GMDS: variants seen among roughly 807,000 people sequenced by gnomAD.
GMDS encodes GDP-mannose 4,6-dehydratase.
A neutral mutation model predicts 49.9 loss-of-function variants in GMDS; 20 were observed. The ratio of observed to expected loss-of-function variants is 0.40; its 90% CI spans 0.28 to 0.58. The LOEUF is 0.58. Ranked by LOEUF, GMDS falls within the 20% of genes least tolerant of loss-of-function variation. The pLI is 0.42. For synonymous variants in GMDS, 177 were observed against 178.6 expected (o/e 0.99, Z 0.07); for missense variants, 362 against 481.4 (o/e 0.75, Z 2.32).
chr6:1,729,752 T>C (rs9328068), intron 8 of GMDS, among the ~76,000 whole-genome samples: 126,400 of 152,262 alleles, frequency 0.83, 52,999 homozygotes, highest in East Asian at 1. Context: ...CGAATTGAGA[T>C]CAACAGCTCA....
chr6:1,831,360 C>T (rs1406541767), intron 7 of GMDS, among the ~76,000 whole-genome samples: 4 of 152,254 alleles, frequency 2.6e-5, no homozygotes, highest in Middle Eastern at 6.8e-3. Flanking sequence ...TTTAGTAAAA[C>T]GAGGAGTCCA....
chr6:1,629,201 C>T (rs1356103462), intron 9 of GMDS, among the ~76,000 whole-genome samples: 3 of 152,238 alleles, frequency 2.0e-5, no homozygotes, highest in Non-Finnish European at 4.4e-5. Context: ...TGAAGCCTTA[C>T]ATGCTCACGA....
At chr6:1,939,771 A>C (rs1335312225) in intron 6 of GMDS, among the ~76,000 whole-genome samples, 2 of 152,210 alleles carry the variant, frequency 1.3e-5, no homozygotes, top group Non-Finnish European at 2.9e-5. Flanking sequence ...AATTGCCTTT[A>C]AGACATGAAT....
At chr6:1,658,549 G>C (rs1763963876) in intron 9 of GMDS, among the ~76,000 whole-genome samples, 1 of 152,230 alleles carries the variant, frequency 6.6e-6, no homozygotes, top group Admixed American at 6.5e-5. Context: ...ACACTCAGTT[G>C]AATGAAAAGA....
At chr6:1,784,748 G>T (rs142162875) in intron 7 of GMDS, among the ~76,000 whole-genome samples, 1 of 152,266 alleles carries the variant, frequency 6.6e-6, no homozygotes, top group East Asian at 1.9e-4. Flanking sequence ...GCTTCTTTTG[G>T]ATGGAACACT....
chr6:1,761,136 C>T (rs1768138778), intron 7 of GMDS, among the ~76,000 whole-genome samples: 1 of 152,090 alleles, frequency 6.6e-6, no homozygotes, highest in East Asian at 1.9e-4. Context: ...ACAAAAGGCC[C>T]CCTGTGTTCT....
intron 4 of GMDS, among the ~76,000 whole-genome samples, chr6:2,022,415 A>G (rs559962505): frequency 1.9e-4 from 29 of 152,302 alleles, no homozygotes; most frequent in Admixed American, 8.5e-4. Flanking sequence ...TATTTTTTGC[A>G]TTCGTGAGAT....
At chr6:1,661,270 G>A (rs4959586) in intron 9 of GMDS, among the ~76,000 whole-genome samples, 64,069 of 151,950 alleles carry the variant, frequency 0.42, 14,076 homozygotes, top group Middle Eastern at 0.5. Flanking sequence ...TGCACAGCAG[G>A]TGCTATTAGA....
intron 1 of GMDS, among the ~76,000 whole-genome samples, chr6:2,156,184 A>C (rs1384466041): frequency 6.6e-6 from 1 of 152,156 alleles, no homozygotes; most frequent in South Asian, 2.1e-4. Context: ...AATATATTAT[A>C]GAGCGTCTTG....
rs543311826 is a variant in GMDS, at chr6:2,006,187, C to T, written c.346-45221G>A. 2.6e-3 allele frequency among the ~76,000 whole-genome samples: 396 copies of T among 151,772 alleles called. 2 individuals are homozygous for T. The highest frequency in any genetic ancestry group is 9.2e-3 in the African/African-American group (382 of 41,358). On this transcript the variant is annotated intron_variant, in intron 4 of 10. Transcript: ENST00000380815. Reference sequence around the variant, plus strand: ...CTGCAATCACAGCACTTTAGGAGGCCGAGGTGGGAGGATCACTTGACCCCA... The same window carrying T: ...CTGCAATCACAGCACTTTAGGAGGCTGAGGTGGGAGGATCACTTGACCCCA...
At chr6:2,081,496 T>C (rs1191291103) in intron 4 of GMDS, among the ~76,000 whole-genome samples, 1 of 152,126 alleles carries the variant, frequency 6.6e-6, no homozygotes, top group Non-Finnish European at 1.5e-5. Flanking sequence ...AATGTCCTTG[T>C]CCTAGAGCCC....
intron 4 of GMDS, among the ~76,000 whole-genome samples, chr6:2,074,746 C>T (rs1243323264): frequency 6.6e-6 from 1 of 152,156 alleles, no homozygotes; most frequent in Non-Finnish European, 1.5e-5. Flanking sequence ...TCAAGAAATT[C>T]TCCTGATTCA....
intron 4 of GMDS, among the ~76,000 whole-genome samples, chr6:2,002,103 TA>T (rs1271363703): frequency 3.3e-5 from 5 of 152,220 alleles, no homozygotes; most frequent in African/African-American, 1.2e-4. Context: ...AAGTTTGTTT[TA>T]AAATGGTCTT....
At chr6:1,901,448 A>G (rs1346587187) in intron 7 of GMDS, among the ~76,000 whole-genome samples, 1 of 152,214 alleles carries the variant, frequency 6.6e-6, no homozygotes, top group African/African-American at 2.4e-5. Context: ...AAGAAAAAAT[A>G]TATAATGAAA....
chr6:1,632,964 T>C (rs1041480415), intron 9 of GMDS, among the ~76,000 whole-genome samples: 2 of 152,206 alleles, frequency 1.3e-5, no homozygotes. Context: ...ACCACTTAAC[T>C]CTTTCTTAAT....
intron 7 of GMDS, among the ~76,000 whole-genome samples, chr6:1,785,656 T>C (rs770521810): frequency 6.6e-6 from 1 of 152,224 alleles, no homozygotes; most frequent in Non-Finnish European, 1.5e-5. Flanking sequence ...ACCAGCCCTG[T>C]CTTCTCTTCA....
At chr6:2,171,648 T>C (rs1458861843) in intron 1 of GMDS, among the ~76,000 whole-genome samples, 2 of 152,126 alleles carry the variant, frequency 1.3e-5, no homozygotes, top group African/African-American at 4.8e-5. Flanking sequence ...GGTGGGTGGA[T>C]AGCACAGGGA....
intron 4 of GMDS, among the ~76,000 whole-genome samples, chr6:2,067,827 A>C (rs1361006902): frequency 6.6e-6 from 1 of 152,306 alleles, no homozygotes; most frequent in East Asian, 1.9e-4. Flanking sequence ...GCCGAATTCT[A>C]CCAGAGGTAC....
At chr6:1,804,687 A>C (rs1253024703) in intron 7 of GMDS, among the ~76,000 whole-genome samples, 1 of 152,176 alleles carries the variant, frequency 6.6e-6, no homozygotes, top group Non-Finnish European at 1.5e-5. Flanking sequence ...AATTCTAAAA[A>C]TTTATTAAAA....
Sources: allele counts gnomAD v4.1 joint callset (sites outside exome capture counted in the v4.1 genomes callset), GRCh38; gene constraint gnomAD v4.1.1; transcripts MANE v1.5; gene names NCBI Gene and HGNC (gene_info 2026-07-23, HGNC 2026-07-21).